Variants in CAMTA1 observed in about 807,000 individuals in gnomAD.
The protein encoded by CAMTA1 is calmodulin-binding transcription activator 1.
A neutral mutation model predicts 170.9 loss-of-function variants in CAMTA1; 27 were observed. The ratio of observed to expected loss-of-function variants is 0.16; its 90% confidence interval spans 0.12 to 0.22. CAMTA1 has a LOEUF of 0.22. CAMTA1 is among the 10% of genes least tolerant of loss of function. The pLI, the probability that CAMTA1 is intolerant of heterozygous loss-of-function variation, is 1.00. For missense variants in CAMTA1, 1,619 were observed against 2,217.2 expected (o/e 0.73, Z 5.42); for synonymous variants, 833 against 891.5 (o/e 0.93, Z 1.17).
chr1:7,273,569 G>GGT (rs1670158048), intron 5 of CAMTA1, among the ~76,000 whole-genome samples: 1 of 152,152 alleles, frequency 6.6e-6, no homozygotes, highest in Non-Finnish European at 1.5e-5. Context: ...TAAGGCTGGA[G>GGT]GTGTGTGTGT....
At chr1:7,070,297 T>C (rs911196963) in intron 3 of CAMTA1, among the ~76,000 whole-genome samples, 1 of 152,238 alleles carries the variant, frequency 6.6e-6, no homozygotes, top group African/African-American at 2.4e-5. Flanking sequence ...TTCTGGACTT[T>C]CACGGGAATT....
Position 7,344,093 on chromosome 1 carries a change from A to T in CAMTA1, c.438+94467A>T, listed in dbSNP as rs1225849234. ...ACAAACCATCCCACACAACCACATCATGGGTGTTGCTGTCGGGCTCAGAGG... is the reference window on the plus strand; with the variant it reads ...ACAAACCATCCCACACAACCACATCTTGGGTGTTGCTGTCGGGCTCAGAGG... On this transcript the variant is annotated intron_variant, in intron 5 of 22. Coordinates refer to ENST00000303635, the MANE Select transcript of CAMTA1 (RefSeq NM_015215.4). Among the ~76,000 whole-genome samples, 3 of 152,218 alleles carry T rather than the reference A, an allele frequency of 2.0e-5. No homozygotes were observed. The East Asian group carries it at 5.8e-4, about 29-fold the overall frequency.
chr1:7,412,937 G>A (rs34510788), intron 5 of CAMTA1, among the ~76,000 whole-genome samples: 46,690 of 151,728 alleles, frequency 0.31, 7,450 homozygotes, highest in Non-Finnish European at 0.34. Context: ...TTTGTTTAAG[G>A]TGTAAGGAAG....
At position 7,674,654 on chromosome 1, in the gene CAMTA1, C is replaced by T. The variant is rs1292096916; in HGVS notation, c.2780-2945C>T. On this transcript the variant is annotated intron_variant, in intron 10 of 22. Coordinates refer to ENST00000303635, the MANE Select transcript of CAMTA1 (RefSeq NM_015215.4). The surrounding 1 kb of genome is among the most constrained non-coding windows in gnomAD (Gnocchi z 4.1). Reference sequence around the variant, plus strand: ...ATTAGCTGGGCGTGGTGGCAGGCACCTGTAAGCTAGTAGGGAGGCTGAGGC... The same window carrying T: ...ATTAGCTGGGCGTGGTGGCAGGCACTTGTAAGCTAGTAGGGAGGCTGAGGC... 1.3e-5 allele frequency among the ~76,000 whole-genome samples: 2 copies of T among 152,040 alleles called. No individual in the cohort carries two copies. Among genetic ancestry groups the T allele is most frequent in the Admixed American group, 1.3e-4 (2 of 15,260 alleles).
At chr1:6,902,070 CACAAAAAAAA>C (rs953084808) in intron 3 of CAMTA1, among the ~76,000 whole-genome samples, 4 of 74,506 alleles carry the variant, frequency 5.4e-5, no homozygotes, top group African/African-American at 1.7e-4. Flanking sequence ...CACACACACA[CACAAAAAAAA>C]AAATAAAAAT....
intron 6 of CAMTA1, among the ~76,000 whole-genome samples, chr1:7,549,131 C>T (rs2094760760): frequency 7.0e-6 from 1 of 142,962 alleles, no homozygotes; most frequent in Non-Finnish European, 1.5e-5. Context: ...GGTGGAGATG[C>T]CCATGGAGGT....
chr1:7,320,657 T>G (rs111638623), intron 5 of CAMTA1, among the ~76,000 whole-genome samples: 31,806 of 143,746 alleles, frequency 0.22, 3,716 homozygotes, highest in Middle Eastern at 0.38. Context: ...GTGTTTTTTT[T>G]TTTTTTTTTT....
intron 4 of CAMTA1, among the ~76,000 whole-genome samples, chr1:7,198,375 A>G (rs892919355): frequency 6.6e-6 from 1 of 152,012 alleles, no homozygotes; most frequent in Non-Finnish European, 1.5e-5. Context: ...CTCTTCTGGA[A>G]TCACGTGGTG....
At chr1:6,948,788 C>T (rs1026094796) in intron 3 of CAMTA1, among the ~76,000 whole-genome samples, 2 of 152,124 alleles carry the variant, frequency 1.3e-5, no homozygotes, top group Non-Finnish European at 2.9e-5. Flanking sequence ...GCAGGGTCTC[C>T]CCTCAAACCC....
At position 7,588,823 on chromosome 1, in the gene CAMTA1, ACT is replaced by A. The variant is rs1245233801; in HGVS notation, c.511-51574_511-51573del. On this transcript the variant is annotated intron_variant, in intron 6 of 22. Transcript: ENST00000303635. The surrounding 1 kb of genome is among the most constrained non-coding windows in gnomAD (Gnocchi z 5.8). ...ATATCAATAAACTTGCTTAGAGTGC[ACT>A]CTGTCTTCTGTAATGAAATGGGGAT... Among the ~76,000 whole-genome samples the A allele has an allele frequency of 6.6e-6, 1 of 151,926 alleles. No homozygotes were observed. The highest frequency in any genetic ancestry group is 1.5e-5 in the Non-Finnish European group (1 of 67,974).
intron 5 of CAMTA1, among the ~76,000 whole-genome samples, chr1:7,434,292 G>T (rs572769331): frequency 6.6e-6 from 1 of 152,186 alleles, no homozygotes; most frequent in Non-Finnish European, 1.5e-5. Flanking sequence ...CAGGAGCCAC[G>T]GGGAGCATGG....
intron 5 of CAMTA1, among the ~76,000 whole-genome samples, chr1:7,298,001 G>A (rs902076825): frequency 2.6e-5 from 4 of 152,114 alleles, no homozygotes; most frequent in African/African-American, 4.8e-5. Context: ...CCTTGTCAGC[G>A]GCAGTTCTAT....
At chr1:7,319,551 A>T (rs1470042709) in intron 5 of CAMTA1, among the ~76,000 whole-genome samples, 1 of 152,192 alleles carries the variant, frequency 6.6e-6, no homozygotes, top group Non-Finnish European at 1.5e-5. Context: ...TGAGCCAATT[A>T]AACCTCTTTT....
intron 3 of CAMTA1, among the ~76,000 whole-genome samples, chr1:7,057,424 G>A (rs1707520894): frequency 6.6e-6 from 1 of 152,212 alleles, no homozygotes. Context: ...CCCTCCGTGT[G>A]GCAGGCAGCA....
chr1:7,178,014 T>A (rs1288484266), intron 4 of CAMTA1, among the ~76,000 whole-genome samples: 1 of 150,574 alleles, frequency 6.6e-6, no homozygotes, highest in Non-Finnish European at 1.5e-5. Context: ...ACTGAGCCAC[T>A]TCCCAAGCAC....
intron 3 of CAMTA1, among the ~76,000 whole-genome samples, chr1:7,012,103 C>T (rs372834123): frequency 2.0e-5 from 3 of 152,138 alleles, no homozygotes; most frequent in Non-Finnish European, 4.4e-5. Flanking sequence ...CCTGTGCAGC[C>T]GGAGAGACAC....
At chr1:7,614,436 T>A (rs976364487) in intron 6 of CAMTA1, among the ~76,000 whole-genome samples, 7 of 151,468 alleles carry the variant, frequency 4.6e-5, no homozygotes, top group Non-Finnish European at 8.8e-5. Context: ...ATGCCAGAAC[T>A]GACTCTCTTC....
At chr1:6,837,040 G>A (rs1653512028) in intron 3 of CAMTA1, among the ~76,000 whole-genome samples, 3 of 150,308 alleles carry the variant, frequency 2.0e-5, no homozygotes, top group South Asian at 4.2e-4. Context: ...TGCAATCTCC[G>A]CCACCCGGGT....
At position 6,962,825 on chromosome 1, in the gene CAMTA1, T is replaced by C. The variant is rs190484320; in HGVS notation, c.235-128479T>C. ...GCACCCATCTGGCTCCTCCCACCCA[T>C]CTGGCCCCACCCACTCCCCTGCTTT... On this transcript the variant is annotated intron_variant, in intron 3 of 22. Coordinates refer to ENST00000303635, the MANE Select transcript of CAMTA1 (RefSeq NM_015215.4). Among the ~76,000 whole-genome samples, 163 of 97,124 alleles carry C rather than the reference T, an allele frequency of 1.7e-3. 1 individual carries two copies. The highest frequency in any genetic ancestry group is 5.9e-3 in the African/African-American group (146 of 24,696). 63.7% of individuals were successfully genotyped at this position (97,124 alleles called of 152,430 possible).
Sources: gnomAD v4.1 joint callset for allele counts (sites outside exome capture counted in the v4.1 genomes callset) on GRCh38, gnomAD v4.1.1 for gene constraint, Gnocchi (gnomAD v3.1) non-coding constraint, MANE v1.5 for transcripts, NCBI Gene and HGNC (gene_info 2026-07-23, HGNC 2026-07-21) for gene names.